CATSPERB: variants seen among roughly 807,000 people sequenced by gnomAD.
The protein encoded by CATSPERB is catsper channel auxiliary subunit beta, also known as cation channel sperm-associated auxiliary subunit beta.
In CATSPERB, 93 loss-of-function variants were observed where a neutral mutation model predicts 128.3. The observed-to-expected ratio is 0.72, with a 90% CI of 0.61 to 0.86. The LOEUF is 0.86. Among genes scored for constraint, CATSPERB ranks in the 40% least tolerant of loss-of-function variants. CATSPERB has a pLI of 0.00. For synonymous variants in CATSPERB, 381 were observed against 448.8 expected (o/e 0.85, Z 1.91); for missense variants, 1,153 against 1,329.5 (o/e 0.87, Z 2.06).
At chr14:91,635,262 G>T (rs537289834) in intron 17 of CATSPERB, among the ~76,000 whole-genome samples, 1 of 152,262 alleles carries the variant, frequency 6.6e-6, no homozygotes, top group East Asian at 1.9e-4. Context: ...GGGGAAAACA[G>T]ATATTTAGAC....
Position 91,581,127 on chromosome 14 carries a change from G to A in CATSPERB, c.3133-20C>T, listed in dbSNP as rs1389134741. 3.8e-6 allele frequency: 6 copies of A among 1,590,344 alleles called. No homozygotes were observed. Among genetic ancestry groups the A allele is most frequent in the Admixed American group, 3.4e-5 (2 of 58,344 alleles). On this transcript the variant is annotated intron_variant, in intron 26 of 26. Coordinates refer to ENST00000256343, the MANE Select transcript of CATSPERB (RefSeq NM_024764.4). ...ATAAATCTGCAACAGAAAAAGCAAA[G>A]TCTTTAAGCTTTCTGAATTTAGCAA...
In CATSPERB at chr14:91,714,277, CAA is replaced by C. The variant is rs35951126; in HGVS notation, c.370+5139_370+5140del. The stretch of plus-strand genomic sequence containing the variant: ...TAGAGGTCCTACCAGTACAATAAGG[CAA>C]AAAAAAAAAAAAAGAAAAAAAGAAA... On this transcript the variant is annotated intron_variant, in intron 5 of 26. Transcript: ENST00000256343. Among the ~76,000 whole-genome samples, 424 of 111,232 alleles carry C rather than the reference CAA, an allele frequency of 3.8e-3. 9 individuals are homozygous for C. The East Asian group carries it at 0.065, about 17-fold the overall frequency. 73.0% of individuals were successfully genotyped at this position (111,232 alleles called of 152,430 possible). A position where few individuals can be genotyped will look rare whatever the true frequency, so the allele number is the denominator to read the frequency against.
In CATSPERB at chr14:91,672,866, C is replaced by A. The variant is rs757430151; in HGVS notation, c.1128+1G>T. On this transcript the variant is annotated splice_donor_variant, in intron 13 of 26. Coordinates refer to ENST00000256343, the MANE Select transcript of CATSPERB (RefSeq NM_024764.4). LOFTEE classifies it high-confidence loss of function. ...AATTCCCTCTGGGATATAAGGCCTACCTTGTTATAGAAGAGGTAAACTCCA... is the reference window on the plus strand; with the variant it reads ...AATTCCCTCTGGGATATAAGGCCTAACTTGTTATAGAAGAGGTAAACTCCA... 1 of 1,555,090 alleles carries A rather than the reference C, an allele frequency of 6.4e-7. No homozygotes were observed. The highest frequency in any genetic ancestry group is 2.4e-5 in the East Asian group (1 of 41,960).
chr14:91,683,356 T>C (rs1053066026), intron 11 of CATSPERB, among the ~76,000 whole-genome samples: 5 of 152,234 alleles, frequency 3.3e-5, no homozygotes, highest in South Asian at 2.1e-4. Flanking sequence ...AGAAATGGAA[T>C]GGAATTTCAC....
At chr14:91,684,605 CTTTTTTTTT>C (rs1160778932) in intron 10 of CATSPERB, among the ~76,000 whole-genome samples, 3 of 112,334 alleles carry the variant, frequency 2.7e-5, no homozygotes, top group Admixed American at 9.3e-5. Flanking sequence ...GGAGACACTT[CTTTTTTTTT>C]TTTTTTTTTT....
chr14:91,723,062 A>G lies in CATSPERB; in HGVS notation c.296T>C (p.Phe99Ser). ...AAATGTAATTACCAACGTTAAATTA[A>G]AGTGGAAGATGCCATTATATGTACT... is the stretch of plus-strand genomic sequence containing the variant. ...MNSTYNGIFHFNLTLFSDRIL... is the reference protein window; with the variant it reads ...MNSTYNGIFHSNLTLFSDRIL... Residue 99 changes from phenylalanine to serine, a missense_variant, in exon 4 of 27, where the codon TTT becomes TCT. Phe to Ser is a radical substitution (Grantham distance 155). Transcript: ENST00000256343. 6.7e-7 allele frequency: 1 copy of G among 1,502,190 alleles called. No homozygotes were observed. The highest frequency in any genetic ancestry group is 1.4e-5 in the African/African-American group (1 of 70,526). 93.1% of individuals were successfully genotyped at this position (1,502,190 alleles called of 1,614,324 possible).
At chr14:91,715,959 G>C (rs1276760181) in intron 5 of CATSPERB, among the ~76,000 whole-genome samples, 2 of 152,118 alleles carry the variant, frequency 1.3e-5, no homozygotes, top group Non-Finnish European at 2.9e-5. Context: ...AAATACACAA[G>C]CTAGAAGTGT....
chr14:91,683,966 A>G (rs755792080), intron 10 of CATSPERB, 23 bp from the exon 11 acceptor site: 1 of 1,490,584 alleles, frequency 6.7e-7, no homozygotes, highest in Non-Finnish European at 9.2e-7. Flanking sequence ...ATAAAATATC[A>G]CTTAGCCAAT....
Position 91,708,219 on chromosome 14 carries a change from C to G in CATSPERB, c.388G>C (p.Glu130Gln). The change falls in exon 6 of 27, where the codon GAA becomes CAA. Residue 130 changes from glutamate to glutamine, a missense_variant. By Grantham distance (29) the Glu-to-Gln change is conservative (BLOSUM62 2). Transcript: ENST00000256343. ...TQSTDIAAVE[E>Q]WLVRITLHHG... The stretch of plus-strand genomic sequence containing the variant: ...TGTAAAGTGATTCTTACTAACCATT[C>G]TTCTACAGCTGCAATATCTGTTTGA... 1.2e-6 allele frequency: 2 copies of G among 1,603,728 alleles called. No homozygotes were observed. Among genetic ancestry groups the G allele is most frequent in the Non-Finnish European group, 1.7e-6 (2 of 1,173,648 alleles).
intron 7 of CATSPERB, among the ~76,000 whole-genome samples, chr14:91,698,119 G>T (rs916080550): frequency 4.6e-5 from 7 of 151,996 alleles, no homozygotes; most frequent in East Asian, 1.9e-4. Flanking sequence ...ATTCCTAGGG[G>T]TGTGTGTGTG....
intron 14 of CATSPERB, among the ~76,000 whole-genome samples, chr14:91,660,341 G>T (rs1275187011): frequency 2.6e-5 from 4 of 152,174 alleles, no homozygotes; most frequent in African/African-American, 9.7e-5. Context: ...GGATCTGGGG[G>T]AGGGGTTTAC....
chr14:91,606,900 G>A (rs1244607568), intron 22 of CATSPERB, among the ~76,000 whole-genome samples: 1 of 151,854 alleles, frequency 6.6e-6, no homozygotes, highest in Admixed American at 6.6e-5. Flanking sequence ...GGAAATCAAG[G>A]ATTTCCATGT....
At chr14:91,611,229 A>T (rs1893819696) in intron 20 of CATSPERB, among the ~76,000 whole-genome samples, 2 of 152,254 alleles carry the variant, frequency 1.3e-5, no homozygotes, top group South Asian at 4.1e-4. Flanking sequence ...AGAATAAATC[A>T]TAATAGAAAA....
At chr14:91,730,572 G>A (rs1896195060) in intron 1 of CATSPERB, among the ~76,000 whole-genome samples, 1 of 152,138 alleles carries the variant, frequency 6.6e-6, no homozygotes, top group Non-Finnish European at 1.5e-5. Flanking sequence ...AGGTACTGGA[G>A]TGAGCAACCT....
chr14:91,687,240 A>G (rs1192494880), intron 10 of CATSPERB, among the ~76,000 whole-genome samples: 1 of 152,138 alleles, frequency 6.6e-6, no homozygotes. Flanking sequence ...AACTATGTGA[A>G]TGTATTACCT....
At chr14:91,609,370 T>C (rs1237458438) in intron 21 of CATSPERB, among the ~76,000 whole-genome samples, 2 of 152,140 alleles carry the variant, frequency 1.3e-5, no homozygotes, top group East Asian at 3.9e-4. Context: ...ACTGGCTAGG[T>C]GAACTGCTCA....
rs186491665 is a variant in CATSPERB at position 91,692,742 on chromosome 14, G to A, written c.831+384C>T. ...TTCACCTAAACGTGTATTTCCCTTCGCTCAATCCCAATACTTACTTTTCAC... is the reference window on the plus strand; with the variant it reads ...TTCACCTAAACGTGTATTTCCCTTCACTCAATCCCAATACTTACTTTTCAC... On this transcript the variant is annotated intron_variant, in intron 9 of 26. Transcript: ENST00000256343. Among the ~76,000 whole-genome samples the A allele has an allele frequency of 6.6e-5, 10 of 152,008 alleles. No homozygotes were observed. In the East Asian group the frequency reaches 1.5e-3, roughly 23 times the overall value.
At chr14:91,621,470 G>A in intron 19 of CATSPERB, 138 bp downstream of exon 19, 1 of 620,380 alleles carries the variant, frequency 1.6e-6, no homozygotes, top group Non-Finnish European at 2.8e-6. Flanking sequence ...CAATAATTAG[G>A]CACTAATACT....
At chr14:91,697,455 G>A (rs546199131) in intron 7 of CATSPERB, among the ~76,000 whole-genome samples, 7 of 152,160 alleles carry the variant, frequency 4.6e-5, no homozygotes, top group African/African-American at 7.2e-5. Flanking sequence ...CAGAGTGTAC[G>A]ATGCAGATAC....
Sources: gnomAD v4.1 joint callset for allele counts (sites outside exome capture counted in the v4.1 genomes callset) on GRCh38, gnomAD v4.1.1 for gene constraint, MANE v1.5 for transcripts, NCBI Gene and HGNC (gene_info 2026-07-23, HGNC 2026-07-21) for gene names.